The following JAK2 variants were observed in gnomAD, a reference collection of about 807,000 sequenced individuals.
The protein encoded by JAK2 is Janus kinase 2, also known as tyrosine-protein kinase JAK2.
Under a neutral mutation model 139.3 loss-of-function variants are expected in JAK2, and 86 were observed. The observed-to-expected ratio is 0.62, with a 90% confidence interval of 0.52 to 0.74. The LOEUF (loss-of-function observed/expected upper bound fraction) is 0.74, where lower values mean the gene tolerates loss of function less well. Ranked by LOEUF, JAK2 falls within the 30% of genes least tolerant of loss-of-function variation. JAK2 has a pLI of 0.00. For synonymous variants in JAK2, 490 were observed against 437.7 expected (o/e 1.12, Z -1.49); for missense variants, 1,421 against 1,360.3 (o/e 1.04, Z -0.70).
intron 15 of JAK2, among the ~76,000 whole-genome samples, chr9:5,078,045 T>C (rs1819429127): frequency 6.6e-6 from 1 of 152,202 alleles, no homozygotes; most frequent in African/African-American, 2.4e-5. Context: ...ACACAAACCA[T>C]GTCAGCCTTA....
intron 2 of JAK2, among the ~76,000 whole-genome samples, chr9:5,004,032 T>A (rs370006106): frequency 1.1e-4 from 17 of 152,276 alleles, no homozygotes; most frequent in African/African-American, 3.8e-4. Flanking sequence ...ACATAAAAAT[T>A]GTATATATGG....
At chr9:5,119,609 G>A (rs1823463092) in intron 22 of JAK2, among the ~76,000 whole-genome samples, 2 of 152,066 alleles carry the variant, frequency 1.3e-5, no homozygotes, top group Non-Finnish European at 2.9e-5. Flanking sequence ...ATAATACAGA[G>A]TAAAATATGG....
In JAK2 at chr9:5,126,752, T is replaced by C; in HGVS notation, c.3360T>C (p.Ala1120=). Residue 1120 remains alanine (A), a synonymous_variant, in exon 25 of 25, where the codon GCT becomes GCC. Transcript: ENST00000381652. ...AACGCCCCTCCTTTAGGGATCTAGCTCTTCGAGTGGATCAAATAAGGGATA... is the reference window on the plus strand; with the variant it reads ...AACGCCCCTCCTTTAGGGATCTAGCCCTTCGAGTGGATCAAATAAGGGATA... The part of the protein sequence containing the change: ...VNQRPSFRDL[A]LRVDQIRDNM... 6.2e-7 allele frequency: 1 copy of C among 1,610,670 alleles called. No homozygotes were observed.
intron 9 of JAK2, 60 bp downstream of exon 9, chr9:5,065,100 A>C: frequency 8.8e-7 from 1 of 1,138,678 alleles, no homozygotes; most frequent in East Asian, 2.7e-5. Flanking sequence ...TTTACAAAGA[A>C]GATTTAACAG....
In JAK2 at chr9:5,127,466, GA is replaced by G; in HGVS notation, c.*676del. The G allele has an allele frequency of 4.3e-6, 1 of 231,262 alleles. No individual in the cohort carries two copies. 14.3% of individuals were successfully genotyped at this position (231,262 alleles called of 1,614,324 possible). Reference sequence around the variant, plus strand: ...TTTTATTTGTATAGGAAATTTCCCTGACCCTAAATAATACATTTTGAAATGA... The same window carrying G: ...TTTTATTTGTATAGGAAATTTCCCTGCCCTAAATAATACATTTTGAAATGA... On this transcript the variant is annotated 3_prime_UTR_variant, in exon 25 of 25. Coordinates refer to ENST00000381652, the MANE Select transcript of JAK2 (RefSeq NM_004972.4).
At chr9:5,098,697 C>CT (rs773825921) in intron 22 of JAK2, 1,976 of 142,968 alleles carry the variant, frequency 0.014, 31 homozygotes, top group African/African-American at 0.037. Flanking sequence ...GCTTCAATTC[C>CT]TTTTTTTTTT....
At chr9:5,097,707 A>G (rs75552111) in intron 22 of JAK2, 1 of 152,184 alleles carries the variant, frequency 6.6e-6, no homozygotes, top group Non-Finnish European at 1.5e-5. Flanking sequence ...TTCTTTTCAC[A>G]GTAGGAGGTC....
intron 2 of JAK2, among the ~76,000 whole-genome samples, chr9:5,020,334 G>A (rs1240364536): frequency 6.6e-6 from 1 of 152,162 alleles, no homozygotes; most frequent in Non-Finnish European, 1.5e-5. Context: ...CGATCCCAAG[G>A]CCCCCAGATA....
At chr9:5,080,892 C>CTTTTT (rs33925764) in intron 18 of JAK2, among the ~76,000 whole-genome samples, 515 of 95,510 alleles carry the variant, frequency 5.4e-3, no homozygotes, top group Non-Finnish European at 7.6e-3. Context: ...AAGACCTTTT[C>CTTTTT]TTTTTTTTTT....
chr9:5,043,115 C>T (rs1016590718), intron 4 of JAK2, among the ~76,000 whole-genome samples: 4 of 152,164 alleles, frequency 2.6e-5, no homozygotes, highest in East Asian at 1.9e-4. Flanking sequence ...TGCCTTAAAG[C>T]CCCCGACCCA....
intron 4 of JAK2, among the ~76,000 whole-genome samples, chr9:5,039,943 G>A (rs1816360109): frequency 6.6e-6 from 1 of 152,078 alleles, no homozygotes; most frequent in African/African-American, 2.4e-5. Flanking sequence ...TGTCTTTATT[G>A]CAGAAATTGA....
rs2130378703 is a variant in JAK2 at position 5,050,764 on chromosome 9, G to A, written c.547G>A (p.Val183Met). Reference protein sequence around the residue: ...ETQEECLGMAVLDMMRIAKEN... With the variant: ...ETQEECLGMAMLDMMRIAKEN... ...ACAGGAAGAATGTCTTGGGATGGCA[G>A]TGTTAGATATGATGAGAATAGCCAA... Residue 183 changes from valine (V) to methionine (M), a missense_variant, in exon 6 of 25, where the codon GTG becomes ATG. Coordinates refer to ENST00000381652, the MANE Select transcript of JAK2 (RefSeq NM_004972.4). 4 of 1,613,096 alleles carry A rather than the reference G, an allele frequency of 2.5e-6. No homozygotes were observed. In the Admixed American group the frequency reaches 5.0e-5, roughly 20 times the overall value.
At chr9:5,115,229 C>T (rs554249155) in intron 22 of JAK2, among the ~76,000 whole-genome samples, 4 of 152,074 alleles carry the variant, frequency 2.6e-5, no homozygotes, top group African/African-American at 9.7e-5. Context: ...AAAAAAACAA[C>T]CCCATCAAAA....
intron 8 of JAK2, among the ~76,000 whole-genome samples, chr9:5,060,738 T>G (rs1263317165): frequency 6.6e-6 from 1 of 152,250 alleles, no homozygotes; most frequent in East Asian, 1.9e-4. Flanking sequence ...TGTTAACACT[T>G]TGACCTTCTT....
At chr9:5,003,481 G>A (rs4428717) in intron 2 of JAK2, among the ~76,000 whole-genome samples, 3,734 of 151,798 alleles carry the variant, frequency 0.025, 84 homozygotes, top group Admixed American at 0.06. Flanking sequence ...TGTTACTATT[G>A]TAAATGATAC....
intron 2 of JAK2, among the ~76,000 whole-genome samples, chr9:4,990,908 G>GAATATATATAATAAATATATTATAAT: frequency 6.6e-6 from 1 of 152,248 alleles, no homozygotes; most frequent in Admixed American, 6.5e-5. Flanking sequence ...CTAAGGATGA[G>GAATATATATAATAAATATATTATAAT]AATTTTAGGC....
chr9:5,113,255 T>C (rs1358812175), intron 22 of JAK2, among the ~76,000 whole-genome samples: 3 of 124,018 alleles, frequency 2.4e-5, no homozygotes, highest in Non-Finnish European at 3.3e-5. Flanking sequence ...CAACAAAACA[T>C]ACACTTTGTC....
chr9:5,057,681 C>T (rs118032042), intron 8 of JAK2, among the ~76,000 whole-genome samples: 1,783 of 148,956 alleles, frequency 0.012, 19 homozygotes, highest in Non-Finnish European at 0.019. Flanking sequence ...CTCCTGGGTT[C>T]AAGCAATTTT....
chr9:5,117,664 T>G (rs1823299050), intron 22 of JAK2, among the ~76,000 whole-genome samples: 1 of 139,832 alleles, frequency 7.2e-6, no homozygotes, highest in South Asian at 2.3e-4. Context: ...GGTTTTATCT[T>G]AAATAAATTA....
Sources: allele counts gnomAD v4.1 joint callset (sites outside exome capture counted in the v4.1 genomes callset), GRCh38; gene constraint gnomAD v4.1.1; transcripts MANE v1.5; gene names NCBI Gene and HGNC (gene_info 2026-07-23, HGNC 2026-07-21).